The following NBEAL1 variants were observed in gnomAD, a reference collection of about 807,000 sequenced individuals.
The protein encoded by NBEAL1 is neurobeachin-like protein 1.
Under a neutral mutation model 351.3 loss-of-function variants are expected in NBEAL1, and 273 were observed. That is an observed-to-expected ratio of 0.78 (90% CI 0.70 to 0.86). NBEAL1 has a LOEUF of 0.86. Ranked by LOEUF, NBEAL1 falls within the 40% of genes least tolerant of loss-of-function variation. The pLI is 0.00. For missense variants in NBEAL1, 2,961 were observed against 3,201.3 expected (o/e 0.92, Z 1.81); for synonymous variants, 1,050 against 1,086.4 (o/e 0.97, Z 0.66).
At chr2:203,139,612 A>T (rs2063315745) in intron 31 of NBEAL1, among the ~76,000 whole-genome samples, 1 of 110,844 alleles carries the variant, frequency 9.0e-6, no homozygotes, top group Non-Finnish European at 1.6e-5. Flanking sequence ...TGTGTCTTCC[A>T]GGCTGGAGTG....
In NBEAL1 at chr2:203,112,125, G is replaced by C; in HGVS notation, c.2202+27G>C. 1.3e-6 allele frequency: 2 copies of C among 1,532,300 alleles called. 1 individual carries two copies. Among genetic ancestry groups the C allele is most frequent in the South Asian group, 2.5e-5 (2 of 79,950 alleles). 94.9% of individuals were successfully genotyped at this position (1,532,300 alleles called of 1,614,324 possible). On this transcript the variant is annotated intron_variant, in intron 16 of 55. Coordinates refer to ENST00000683969, the MANE Select transcript of NBEAL1 (RefSeq NM_001378026.1). The stretch of plus-strand genomic sequence containing the variant: ...TAAGTATATCCAACCTACTCTTTAC[G>C]GGCCCTATTGGTTGAGAATTCTTGA...
intron 12 of NBEAL1, among the ~76,000 whole-genome samples, chr2:203,103,571 C>G (rs779588168): frequency 2.6e-5 from 4 of 152,144 alleles, no homozygotes; most frequent in African/African-American, 9.7e-5. Flanking sequence ...TGTGCCCGGC[C>G]TATCTTTCGT....
At chr2:203,125,920 T>G in intron 20 of NBEAL1, 40 bp from the exon 21 acceptor site, 1 of 1,455,680 alleles carries the variant, frequency 6.9e-7, no homozygotes, top group Non-Finnish European at 9.1e-7. Context: ...TAAAAGTGAT[T>G]AGAGAAATTA....
chr2:203,088,261 A>C (rs542242100), intron 10 of NBEAL1, among the ~76,000 whole-genome samples: 1 of 152,282 alleles, frequency 6.6e-6, no homozygotes, highest in Admixed American at 6.5e-5. Context: ...GATTCATTAC[A>C]ATTTTTTTCA....
Position 203,139,557 on chromosome 2 carries a change from C to CTTTTTTTTTT in NBEAL1, c.4848+829_4848+838dup, listed in dbSNP as rs370861737. On this transcript the variant is annotated intron_variant, in intron 31 of 55. Coordinates refer to ENST00000683969, the MANE Select transcript of NBEAL1 (RefSeq NM_001378026.1). Reference sequence around the variant, plus strand: ...CTGACAACAGGTTGCCCACCCCCACCTTTTTTTTTTTTTTTTTTTTTTTTT... The same window carrying CTTTTTTTTTT: ...CTGACAACAGGTTGCCCACCCCCACCTTTTTTTTTTTTTTTTTTTTTTTTTTTTTTTTTTT... Among the ~76,000 whole-genome samples the CTTTTTTTTTT allele has an allele frequency of 2.4e-4, 16 of 67,648 alleles. 2 individuals carry two copies. The highest frequency in any genetic ancestry group is 1.0e-3 in the East Asian group (2 of 1,944). 44.4% of individuals were successfully genotyped at this position (67,648 alleles called of 152,430 possible).
intron 25 of NBEAL1, among the ~76,000 whole-genome samples, 194 bp from the exon 26 acceptor site, chr2:203,131,779 T>C (rs746251350): frequency 6.6e-6 from 1 of 152,206 alleles, no homozygotes; most frequent in Non-Finnish European, 1.5e-5. Flanking sequence ...TGTTTTATTC[T>C]ATAAGTTAAT....
In NBEAL1 at chr2:203,103,334, C is replaced by T. The variant is rs112348104; in HGVS notation, c.1269+3622C>T. Among the ~76,000 whole-genome samples the T allele has an allele frequency of 6.5e-3, 979 of 151,746 alleles. 10 individuals are homozygous for T. Among genetic ancestry groups the T allele is most frequent in the African/African-American group, 0.023 (942 of 41,370 alleles). ...TGCCACCCAGGCTGGAGTCCAGTGG[C>T]GCGATCTCAGCTCACTGCAACCTCC... On this transcript the variant is annotated intron_variant, in intron 12 of 55. Coordinates refer to ENST00000683969, the MANE Select transcript of NBEAL1 (RefSeq NM_001378026.1).
In NBEAL1 at chr2:203,171,941, G is replaced by A; in HGVS notation, c.6116G>A (p.Arg2039Lys). ...ASGLTQKWVNREISNFDYLIQ... is the reference protein window; with the variant it reads ...ASGLTQKWVNKEISNFDYLIQ... ...TGTGCTGTCTAGAAATGGGTAAACA[G>A]AGAGATATCAAATTTTGACTACCTC... Residue 2039 changes from arginine (R) to lysine (K), a missense_variant, in exon 40 of 56, where the codon AGA becomes AAA. Coordinates refer to ENST00000683969, the MANE Select transcript of NBEAL1 (RefSeq NM_001378026.1). The A allele has an allele frequency of 6.3e-7, 1 of 1,596,710 alleles. No individual in the cohort carries two copies. The highest frequency in any genetic ancestry group is 1.1e-5 in the South Asian group (1 of 88,236).
At chr2:203,214,065 C>T (rs1244146153) in intron 55 of NBEAL1, among the ~76,000 whole-genome samples, 1 of 152,176 alleles carries the variant, frequency 6.6e-6, no homozygotes, top group East Asian at 1.9e-4. Flanking sequence ...TTATTTGTAA[C>T]TACAAATATC....
At chr2:203,080,074 A>T (rs771797304) in intron 8 of NBEAL1, among the ~76,000 whole-genome samples, 4 of 152,192 alleles carry the variant, frequency 2.6e-5, no homozygotes, top group African/African-American at 9.7e-5. Context: ...CAATTGAGAT[A>T]TATTTTATTG....
At chr2:203,060,129 A>C (rs2061474970) in intron 6 of NBEAL1, among the ~76,000 whole-genome samples, 1 of 152,218 alleles carries the variant, frequency 6.6e-6, no homozygotes, top group Non-Finnish European at 1.5e-5. Flanking sequence ...AGAAAGAGGA[A>C]CATAAAATCA....
intron 23 of NBEAL1, 45 bp from the exon 24 acceptor site, chr2:203,127,736 G>A: frequency 7.6e-7 from 1 of 1,319,728 alleles, no homozygotes. Context: ...AAAAGGAAAT[G>A]TAAAAATTAA....
intron 36 of NBEAL1, among the ~76,000 whole-genome samples, chr2:203,160,993 G>A (rs1313425147): frequency 6.6e-6 from 1 of 152,092 alleles, no homozygotes; most frequent in African/African-American, 2.4e-5. Flanking sequence ...AGGAGTTTGA[G>A]ACCAACCTGA....
chr2:203,111,947 T>G (rs1211396505), intron 15 of NBEAL1, 32 bp from the exon 16 acceptor site: 2 of 1,535,244 alleles, frequency 1.3e-6, no homozygotes, highest in African/African-American at 2.8e-5. Context: ...TAATGTAATT[T>G]TATCCTTTAA....
chr2:203,093,957 A>G (rs2062124408), intron 10 of NBEAL1, among the ~76,000 whole-genome samples: 2 of 152,174 alleles, frequency 1.3e-5, no homozygotes, highest in African/African-American at 2.4e-5. Flanking sequence ...TGTCAGAATT[A>G]CTTTAGATTT....
intron 12 of NBEAL1, among the ~76,000 whole-genome samples, chr2:203,104,445 A>G (rs574757296): frequency 9.0e-4 from 137 of 152,252 alleles, no homozygotes; most frequent in Non-Finnish European, 1.7e-3. Flanking sequence ...TGCATGTGAG[A>G]TGAGTCTCTT....
chr2:203,045,203 G>A (rs1302879338), intron 3 of NBEAL1, among the ~76,000 whole-genome samples: 1 of 152,100 alleles, frequency 6.6e-6, no homozygotes, highest in Non-Finnish European at 1.5e-5. Flanking sequence ...TGTGCATATA[G>A]AGAATGGGAT....
At chr2:203,071,590 C>T (rs887207867) in intron 7 of NBEAL1, among the ~76,000 whole-genome samples, 6 of 152,024 alleles carry the variant, frequency 3.9e-5, no homozygotes, top group African/African-American at 1.4e-4. Context: ...CCCAACAGCC[C>T]CAAATGTCTT....
intron 54 of NBEAL1, among the ~76,000 whole-genome samples, chr2:203,211,460 C>G (rs2105851276): frequency 6.6e-6 from 1 of 152,038 alleles, no homozygotes. Context: ...GGGCACATAG[C>G]AAGACCTCAT....
Sources: allele counts gnomAD v4.1 joint callset (sites outside exome capture counted in the v4.1 genomes callset), GRCh38; gene constraint gnomAD v4.1.1; transcripts MANE v1.5; gene names NCBI Gene and HGNC (gene_info 2026-07-23, HGNC 2026-07-21).